Variants in RBBP8 observed in about 807,000 individuals in gnomAD.
RBBP8 encodes RB binding protein 8, endonuclease.
In RBBP8, 88 loss-of-function variants were observed where a neutral mutation model predicts 108.3. That is an observed-to-expected ratio of 0.81 (90% CI 0.68 to 0.97). RBBP8 has a LOEUF of 0.97. RBBP8 is among the 50% of genes least tolerant of loss of function. RBBP8 has a pLI of 0.00. For synonymous variants in RBBP8, 332 were observed against 348.2 expected (o/e 0.95, Z 0.52); for missense variants, 1,023 against 1,049.0 (o/e 0.98, Z 0.34).
At chr18:22,924,127 GTTTTTTTT>G (rs33978854) in intron 3 of RBBP8, among the ~76,000 whole-genome samples, 6 of 108,228 alleles carry the variant, frequency 5.5e-5, no homozygotes, top group Admixed American at 4.7e-4. Context: ...TTTGTTTTTG[GTTTTTTTT>G]TTTTTTTTTT....
intron 2 of RBBP8, among the ~76,000 whole-genome samples, chr18:22,938,496 T>C (rs970691029): frequency 1.1e-4 from 16 of 152,180 alleles, no homozygotes; most frequent in African/African-American, 3.9e-4. Flanking sequence ...ATCTCATTTT[T>C]AGAGGACATT....
intron 12 of RBBP8, 53 bp downstream of exon 12, chr18:22,993,900 G>A: frequency 6.5e-7 from 1 of 1,548,878 alleles, no homozygotes; most frequent in Non-Finnish European, 8.9e-7. Flanking sequence ...CAGATTGAAT[G>A]TCATTATTTA....
At position 22,995,510 on chromosome 18, in the gene RBBP8, G is replaced by A. The variant is rs549989898; in HGVS notation, c.1940-864G>A. ...TTCAGTGGTTTGGTATACCCACAGA[G>A]TTGTACAACCATCACTGTAGTCTAG... On this transcript the variant is annotated intron_variant, in intron 12 of 18. Coordinates refer to ENST00000327155, the MANE Select transcript of RBBP8 (RefSeq NM_002894.3). 3.9e-5 allele frequency among the ~76,000 whole-genome samples: 6 copies of A among 152,218 alleles called. No homozygotes were observed. In the South Asian group the frequency reaches 1.0e-3, roughly 26 times the overall value.
intron 2 of RBBP8, among the ~76,000 whole-genome samples, chr18:22,945,960 C>T (rs1240883069): frequency 1.3e-5 from 2 of 152,160 alleles, no homozygotes; most frequent in Admixed American, 6.5e-5. Context: ...TTGTATCAGA[C>T]TTAATTAAAA....
At chr18:22,991,105 A>T (rs1915668797) in intron 10 of RBBP8, 56 bp downstream of exon 10, 1 of 1,197,964 alleles carries the variant, frequency 8.3e-7, no homozygotes, top group Admixed American at 1.7e-5. Context: ...TCCCATTACA[A>T]TGAATTTCAT....
In RBBP8 at chr18:22,980,872, G is replaced by A. The variant is rs116219896; in HGVS notation, c.429-1346G>A. Among the ~76,000 whole-genome samples the A allele has an allele frequency of 8.5e-3, 1,268 of 149,604 alleles. 22 individuals carry two copies. The highest frequency in any genetic ancestry group is 0.03 in the African/African-American group (1,219 of 40,848). Reference sequence around the variant, plus strand: ...TGAGACTACAGGTGTGTGCCACCACGCCTGGCAAATTTTTTAATATATTTG... The same window carrying A: ...TGAGACTACAGGTGTGTGCCACCACACCTGGCAAATTTTTTAATATATTTG... On this transcript the variant is annotated intron_variant, in intron 6 of 18. Transcript: ENST00000327155.
chr18:22,949,755 C>A, intron 4 of RBBP8, 42 bp downstream of exon 4: 1 of 1,396,748 alleles, frequency 7.2e-7, no homozygotes, highest in South Asian at 1.2e-5. Context: ...GTGATTTCCT[C>A]CATAATAAGA....
At chr18:22,961,417 A>T (rs1913087904) in intron 4 of RBBP8, among the ~76,000 whole-genome samples, 1 of 152,120 alleles carries the variant, frequency 6.6e-6, no homozygotes, top group Admixed American at 6.5e-5. Context: ...TACTTCTTAC[A>T]CCCCAGAGTG....
intron 4 of RBBP8, among the ~76,000 whole-genome samples, chr18:22,952,883 A>G (rs1912165238): frequency 6.6e-6 from 1 of 152,144 alleles, no homozygotes; most frequent in Non-Finnish European, 1.5e-5. Context: ...ACCACTTTCT[A>G]CAAGCAGTGA....
Position 23,006,357 on chromosome 18 carries a change from TTA to T in RBBP8, c.2288-3_2288-2del, listed in dbSNP as rs2046047785. 3 of 1,610,422 alleles carry T rather than the reference TTA, an allele frequency of 1.9e-6. No homozygotes were observed. The African/African-American group carries it at 4.0e-5, about 22-fold the overall frequency. ...TTAGTTTGTAATGTGCATGTTTTAT[TTA>T]TAGCTCATGGTGATAAACAAGACAA... is the stretch of plus-strand genomic sequence containing the variant. On this transcript the variant is annotated splice_region_variant and splice_polypyrimidine_tract_variant and intron_variant, in intron 15 of 18. Transcript: ENST00000327155.
intron 17 of RBBP8, among the ~76,000 whole-genome samples, chr18:23,021,387 C>A (rs1177817335): frequency 6.6e-6 from 1 of 152,100 alleles, no homozygotes; most frequent in Non-Finnish European, 1.5e-5. Context: ...TGCACCCCAG[C>A]CTGGGTGACA....
intron 4 of RBBP8, among the ~76,000 whole-genome samples, chr18:22,957,291 C>CTTTTTTTTTTTTTTTTT (rs11418623): frequency 7.3e-4 from 68 of 92,842 alleles, no homozygotes; most frequent in East Asian, 1.4e-3. Flanking sequence ...ATTACTTTTT[C>CTTTTTTTTTTTTTTTTT]TTTTTTTTTT....
rs2045952037 is a variant in RBBP8, at chr18:23,001,730, G to A, written c.2287+1G>A. 1 of 1,614,074 alleles carries A rather than the reference G, an allele frequency of 6.2e-7. No homozygotes were observed. The highest frequency in any genetic ancestry group is 8.5e-7 in the Non-Finnish European group (1 of 1,179,978). ...TCTACTGCCACAAAGAAACTACACA[G>A]TAAGATTTTTTTCTGTTTAATTATG... is the stretch of plus-strand genomic sequence containing the variant. On this transcript the variant is annotated splice_donor_variant, in intron 15 of 18. Transcript: ENST00000327155. LOFTEE classifies it high-confidence loss of function.
intron 18 of RBBP8, among the ~76,000 whole-genome samples, chr18:23,022,663 T>TAAATAAA (rs1555650173): frequency 4.0e-5 from 4 of 99,822 alleles, no homozygotes; most frequent in African/African-American, 1.2e-4. Flanking sequence ...TAAAATAAAA[T>TAAATAAA]AAAATAAATA....
At chr18:23,007,968 A>C (rs894371002) in intron 16 of RBBP8, among the ~76,000 whole-genome samples, 8 of 151,770 alleles carry the variant, frequency 5.3e-5, no homozygotes, top group Admixed American at 3.3e-4. Context: ...GCCCACCACA[A>C]CACCTGGCTA....
chr18:22,986,974 C>T (rs1451259659), intron 8 of RBBP8, among the ~76,000 whole-genome samples: 2 of 152,150 alleles, frequency 1.3e-5, no homozygotes, highest in Non-Finnish European at 2.9e-5. Flanking sequence ...TCCTATCTTC[C>T]TTATACAGTA....
intron 5 of RBBP8, among the ~76,000 whole-genome samples, chr18:22,972,076 G>T (rs1240577978): frequency 2.0e-5 from 3 of 151,004 alleles, no homozygotes; most frequent in African/African-American, 7.3e-5. Context: ...AAGAATTAGG[G>T]CAGGCGCGTT....
chr18:22,979,483 A>G (rs1293270996), intron 6 of RBBP8, among the ~76,000 whole-genome samples: 1 of 152,208 alleles, frequency 6.6e-6, no homozygotes, highest in African/African-American at 2.4e-5. Context: ...TTGTCTTCCA[A>G]TTAATGTTTC....
At chr18:22,956,169 T>C (rs549001576) in intron 4 of RBBP8, among the ~76,000 whole-genome samples, 1 of 152,306 alleles carries the variant, frequency 6.6e-6, no homozygotes, top group South Asian at 2.1e-4. Context: ...AGGTAACTTT[T>C]GGTGAATTTC....
Sources: allele counts gnomAD v4.1 joint callset (sites outside exome capture counted in the v4.1 genomes callset), GRCh38; gene constraint gnomAD v4.1.1; transcripts MANE v1.5; gene names NCBI Gene and HGNC (gene_info 2026-07-23, HGNC 2026-07-21).